Variants in ADGRB3 observed in about 807,000 individuals in gnomAD.
ADGRB3 encodes brain-specific angiogenesis inhibitor 3.
A neutral mutation model predicts 193.4 loss-of-function variants in ADGRB3; 37 were observed. The ratio of observed to expected loss-of-function variants is 0.19; its 90% confidence interval spans 0.15 to 0.25. The LOEUF is 0.25. Ranked by LOEUF, ADGRB3 falls within the 10% of genes least tolerant of loss-of-function variation. The pLI, the probability that ADGRB3 is intolerant of heterozygous loss-of-function variation, is 1.00. For missense variants in ADGRB3, 1,637 were observed against 1,852.9 expected (o/e 0.88, Z 2.14); for synonymous variants, 690 against 644.2 (o/e 1.07, Z -1.08).
At chr6:68,991,813 T>A (rs1274725375) in intron 10 of ADGRB3, among the ~76,000 whole-genome samples, 1 of 152,144 alleles carries the variant, frequency 6.6e-6, no homozygotes, top group African/African-American at 2.4e-5. Flanking sequence ...AAATTACTTT[T>A]AAAACATTTT....
rs114206723 is a variant in ADGRB3, at chr6:68,871,148, G to A, written c.758-59411G>A. 1.1e-3 allele frequency among the ~76,000 whole-genome samples: 165 copies of A among 152,230 alleles called. 1 individual carries two copies. Among genetic ancestry groups the A allele is most frequent in the Middle Eastern group, 6.8e-3 (2 of 294 alleles). On this transcript the variant is annotated intron_variant, in intron 3 of 31. Coordinates refer to ENST00000370598, the MANE Select transcript of ADGRB3 (RefSeq NM_001704.3). ...ATCAGAGACAGAAATGATAAAAAAA[G>A]AATTGTTTTATTCTTATGAACAACT...
chr6:68,752,807 T>C (rs1247115564), intron 3 of ADGRB3, among the ~76,000 whole-genome samples: 2 of 152,082 alleles, frequency 1.3e-5, no homozygotes, highest in African/African-American at 4.8e-5. Flanking sequence ...TGATAGAAAG[T>C]TTTTTATGGG....
chr6:68,788,709 TG>T (rs1767029950), intron 3 of ADGRB3, among the ~76,000 whole-genome samples: 1 of 152,200 alleles, frequency 6.6e-6, no homozygotes, highest in Non-Finnish European at 1.5e-5. Flanking sequence ...TGGGTATCCT[TG>T]TTAACTTTCT....
chr6:68,971,622 G>T (rs538075281), intron 8 of ADGRB3, among the ~76,000 whole-genome samples: 3 of 152,344 alleles, frequency 2.0e-5, no homozygotes, highest in African/African-American at 7.2e-5. Flanking sequence ...GGTATCTGCA[G>T]GAGATCCTGG....
chr6:69,195,928 A>T (rs1765284611), intron 17 of ADGRB3, among the ~76,000 whole-genome samples: 1 of 152,164 alleles, frequency 6.6e-6, no homozygotes, highest in Admixed American at 6.6e-5. Context: ...TATTGATTTT[A>T]AAGAAAAAAT....
chr6:69,152,043 G>A (rs1211679769), intron 17 of ADGRB3, among the ~76,000 whole-genome samples: 2 of 152,098 alleles, frequency 1.3e-5, no homozygotes, highest in African/African-American at 4.8e-5. Flanking sequence ...AGTTTGCTGA[G>A]GTCTCCCCAG....
At chr6:69,079,240 T>C (rs1164138335) in intron 17 of ADGRB3, among the ~76,000 whole-genome samples, 1 of 152,074 alleles carries the variant, frequency 6.6e-6, no homozygotes, top group Admixed American at 6.6e-5. Flanking sequence ...TAACAAGATA[T>C]TGAAAATGCT....
intron 3 of ADGRB3, among the ~76,000 whole-genome samples, chr6:68,753,614 T>G (rs1471904733): frequency 6.6e-6 from 1 of 152,180 alleles, no homozygotes; most frequent in Admixed American, 6.5e-5. Context: ...TGTTCTTTAA[T>G]AGAGAGGGGC....
At chr6:69,131,144 A>G (rs1773997064) in intron 17 of ADGRB3, among the ~76,000 whole-genome samples, 1 of 152,104 alleles carries the variant, frequency 6.6e-6, no homozygotes, top group African/African-American at 2.4e-5. Context: ...AAGAATGTTC[A>G]ACTCAATACC....
intron 20 of ADGRB3, among the ~76,000 whole-genome samples, chr6:69,255,921 G>T (rs1766758442): frequency 6.6e-6 from 1 of 152,122 alleles, no homozygotes; most frequent in South Asian, 2.1e-4. Context: ...TTCTACATAT[G>T]GCTATCCAGT....
intron 3 of ADGRB3, among the ~76,000 whole-genome samples, chr6:68,821,639 CT>C (rs145345095): frequency 5.4e-4 from 79 of 145,884 alleles, no homozygotes; most frequent in East Asian, 1.6e-3. Flanking sequence ...TAATTTGCCT[CT>C]TTTTTTTTTA....
intron 16 of ADGRB3, among the ~76,000 whole-genome samples, chr6:69,069,334 C>T (rs1157741734): frequency 1.3e-5 from 2 of 151,788 alleles, no homozygotes; most frequent in Non-Finnish European, 2.9e-5. Context: ...AAATGGGTCC[C>T]TCTCACTGAT....
At chr6:68,680,436 T>C (rs1396125615) in intron 3 of ADGRB3, among the ~76,000 whole-genome samples, 2 of 152,038 alleles carry the variant, frequency 1.3e-5, no homozygotes, top group African/African-American at 4.8e-5. Context: ...GGTTTTGAAG[T>C]GTGTGCTGAA....
At chr6:68,810,759 G>A (rs951695588) in intron 3 of ADGRB3, among the ~76,000 whole-genome samples, 2 of 152,046 alleles carry the variant, frequency 1.3e-5, no homozygotes, top group Admixed American at 6.6e-5. Flanking sequence ...ATAAAAAAGT[G>A]AAATATGAAG....
intron 3 of ADGRB3, among the ~76,000 whole-genome samples, chr6:68,916,399 T>A (rs549622570): frequency 1.3e-5 from 2 of 152,196 alleles, no homozygotes; most frequent in South Asian, 4.1e-4. Flanking sequence ...CTCTCTCTCC[T>A]CTCTCTTTCT....
intron 3 of ADGRB3, among the ~76,000 whole-genome samples, chr6:68,655,078 T>C (rs77923719): frequency 0.026 from 3,997 of 151,064 alleles, 170 homozygotes; most frequent in African/African-American, 0.091. Flanking sequence ...TGATCATTGA[T>C]TGTTTCTTGG....
At chr6:69,158,084 T>G (rs1017822875) in intron 17 of ADGRB3, among the ~76,000 whole-genome samples, 2 of 152,178 alleles carry the variant, frequency 1.3e-5, no homozygotes, top group Non-Finnish European at 2.9e-5. Flanking sequence ...ATCTCCTGCT[T>G]AATCTTACGA....
At chr6:69,336,227 A>G (rs930310809) in intron 24 of ADGRB3, among the ~76,000 whole-genome samples, 3 of 152,008 alleles carry the variant, frequency 2.0e-5, no homozygotes, top group Non-Finnish European at 2.9e-5. Context: ...ATAAAATGAT[A>G]GAGTGAATAA....
rs118158549 is a variant in ADGRB3 at position 68,831,925 on chromosome 6, G to A, written c.758-98634G>A. On this transcript the variant is annotated intron_variant, in intron 3 of 31. Coordinates refer to ENST00000370598, the MANE Select transcript of ADGRB3 (RefSeq NM_001704.3). ...AATATGTAACTCTTTTGACTCACACGACAATGATCCGAGCCCAAATGGACA... is the reference window on the plus strand; with the variant it reads ...AATATGTAACTCTTTTGACTCACACAACAATGATCCGAGCCCAAATGGACA... Among the ~76,000 whole-genome samples the A allele has an allele frequency of 2.2e-4, 33 of 152,142 alleles. No individual in the cohort carries two copies. In the East Asian group the frequency reaches 2.7e-3, roughly 12 times the overall value.
Sources: gnomAD v4.1 joint callset for allele counts (sites outside exome capture counted in the v4.1 genomes callset) on GRCh38, gnomAD v4.1.1 for gene constraint, MANE v1.5 for transcripts, NCBI Gene and HGNC (gene_info 2026-07-23, HGNC 2026-07-21) for gene names.